The following MMP26 variants were observed in gnomAD, a reference collection of about 807,000 sequenced individuals.
MMP26 encodes the protein matrix metalloproteinase-26.
In MMP26, 33 loss-of-function variants were observed where a neutral mutation model predicts 31.0. The observed-to-expected ratio is 1.06, with a 90% CI of 0.81 to 1.42. The LOEUF (loss-of-function observed/expected upper bound fraction) is 1.42. Ranked by LOEUF, MMP26 falls within the 40% of genes most tolerant of loss-of-function variation. MMP26 has a pLI of 0.00. For synonymous variants in MMP26, 122 were observed against 114.9 expected, an observed-to-expected ratio of 1.06 and a Z score of -0.40; for missense variants, 347 against 316.1, an observed-to-expected ratio of 1.10 and a Z score of -0.74.
intron 1 of MMP26, among the ~76,000 whole-genome samples, chr11:4,731,071 A>C (rs1848167528): frequency 2.0e-5 from 3 of 152,026 alleles, no homozygotes; most frequent in Non-Finnish European, 4.4e-5. Flanking sequence ...CAGCCTCTCG[A>C]GTAGCTGGGA....
At chr11:4,835,710 A>G (rs1479086256) in intron 2 of MMP26, among the ~76,000 whole-genome samples, 1 of 152,196 alleles carries the variant, frequency 6.6e-6, no homozygotes, top group Non-Finnish European at 1.5e-5. Flanking sequence ...TGACTTATAC[A>G]GGACCATTCA....
chr11:4,961,277 C>T (rs74052702), intron 2 of MMP26, among the ~76,000 whole-genome samples: 4,661 of 152,234 alleles, frequency 0.031, 269 homozygotes, highest in African/African-American at 0.11. Flanking sequence ...TCCAAGGGAG[C>T]AGTAGAAAAG....
intron 2 of MMP26, among the ~76,000 whole-genome samples, chr11:4,811,023 G>A (rs1237512011): frequency 6.6e-6 from 1 of 152,142 alleles, no homozygotes; most frequent in Admixed American, 6.5e-5. Context: ...AGATGGTAAT[G>A]ATCAAGGTCA....
intron 2 of MMP26, among the ~76,000 whole-genome samples, chr11:4,982,071 T>G (rs946478908): frequency 6.6e-6 from 1 of 151,556 alleles, no homozygotes; most frequent in Non-Finnish European, 1.5e-5. Context: ...TGTATGTATA[T>G]ATATATATAC....
At chr11:4,747,856 T>C (rs1009265062) in intron 1 of MMP26, among the ~76,000 whole-genome samples, 2 of 151,836 alleles carry the variant, frequency 1.3e-5, no homozygotes, top group Admixed American at 6.6e-5. Context: ...AATAGAAAGA[T>C]CACAAGTTAA....
chr11:4,728,102 TA>T (rs1356835301), intron 1 of MMP26, among the ~76,000 whole-genome samples: 1 of 152,176 alleles, frequency 6.6e-6, no homozygotes, highest in African/African-American at 2.4e-5. Context: ...ATTAAAATGA[TA>T]TATTCAAGGA....
chr11:4,899,605 A>G (rs940455689), intron 2 of MMP26, among the ~76,000 whole-genome samples: 2 of 152,084 alleles, frequency 1.3e-5, no homozygotes, highest in African/African-American at 4.8e-5. Flanking sequence ...GTACCAAGAG[A>G]CAACCAGTCA....
chr11:4,966,926 T>C (rs1398023261), intron 2 of MMP26, among the ~76,000 whole-genome samples: 1 of 152,160 alleles, frequency 6.6e-6, no homozygotes. Flanking sequence ...AATGTATCTT[T>C]AGATGGTGGA....
chr11:4,979,744 G>A (rs1846787284), intron 2 of MMP26, among the ~76,000 whole-genome samples: 1 of 152,062 alleles, frequency 6.6e-6, no homozygotes, highest in South Asian at 2.1e-4. Context: ...ACTGCTGGAA[G>A]TTCAACCAAC....
At chr11:4,987,286 G>A (rs947808317) in intron 2 of MMP26, among the ~76,000 whole-genome samples, 6 of 151,926 alleles carry the variant, frequency 3.9e-5, no homozygotes, top group South Asian at 2.1e-4. Flanking sequence ...AGACGTGTGC[G>A]TGTCAACTTA....
At chr11:4,784,663 G>T (rs1285374593) in intron 2 of MMP26, among the ~76,000 whole-genome samples, 2 of 152,198 alleles carry the variant, frequency 1.3e-5, no homozygotes, top group Non-Finnish European at 2.9e-5. Flanking sequence ...TGGAGAGTGT[G>T]TGGGCTCTTG....
intron 2 of MMP26, among the ~76,000 whole-genome samples, chr11:4,817,338 C>G (rs987820276): frequency 1.3e-5 from 2 of 152,202 alleles, no homozygotes; most frequent in East Asian, 1.9e-4. Flanking sequence ...AATCCCAGCA[C>G]TTTGGGAGGC....
chr11:4,776,501 A>G (rs60548866), intron 2 of MMP26, among the ~76,000 whole-genome samples: 14,431 of 152,070 alleles, frequency 0.095, 851 homozygotes, highest in Middle Eastern at 0.15. Context: ...GTTCAAGATT[A>G]TATCTCATTG....
rs1420120010 is a variant in MMP26 at position 4,952,361 on chromosome 11, T to C, written c.-144-35707T>C. On this transcript the variant is annotated intron_variant, in intron 2 of 7. Coordinates refer to ENST00000380390, the MANE Select transcript of MMP26 (RefSeq NM_021801.5). The stretch of plus-strand genomic sequence containing the variant: ...TGAAGTCTTTATATTGAGCTGCCTA[T>C]CCTCACCCTGAGAGAATAGGAGCTT... 1.6e-5 allele frequency among the ~76,000 whole-genome samples: 2 copies of C among 124,596 alleles called. 1 individual carries two copies. Among genetic ancestry groups the C allele is most frequent in the Non-Finnish European group, 3.6e-5 (2 of 54,990 alleles). The allele number at this position is 124,596 out of a possible 152,430, so 81.7% of individuals were successfully genotyped here. A position where few individuals can be genotyped will look rare whatever the true frequency, so the allele number is the denominator to read the frequency against.
intron 1 of MMP26, among the ~76,000 whole-genome samples, chr11:4,747,725 G>A (rs1848398946): frequency 6.6e-6 from 1 of 152,034 alleles, no homozygotes; most frequent in Admixed American, 6.6e-5. Context: ...TGCCTAAACT[G>A]AGACCAAAAG....
chr11:4,945,948 T>C, intron 2 of MMP26: 1 of 574,718 alleles, frequency 1.7e-6, no homozygotes, highest in Non-Finnish European at 3.1e-6. Flanking sequence ...AAGACATTTA[T>C]TTTTATTCTG....
Position 4,951,281 on chromosome 11 carries a change from G to A in MMP26, c.-144-36787G>A, listed in dbSNP as rs530942114. Among the ~76,000 whole-genome samples the A allele has an allele frequency of 1.2e-4, 15 of 124,106 alleles. 4 individuals carry two copies. In the East Asian group the frequency reaches 3.4e-3, roughly 28 times the overall value. The allele number at this position is 124,106 out of a possible 152,430, so 81.4% of individuals were successfully genotyped here. ...CATGACTCCAGAATAAGTGCCATTAGTTCAAATGGCATATTTCTGGGTACC... is the reference window on the plus strand; with the variant it reads ...CATGACTCCAGAATAAGTGCCATTAATTCAAATGGCATATTTCTGGGTACC... On this transcript the variant is annotated intron_variant, in intron 2 of 7. Transcript: ENST00000380390.
At chr11:4,723,084 G>A (rs532648403) in intron 1 of MMP26, 21 of 1,374,946 alleles carry the variant, frequency 1.5e-5, no homozygotes, top group African/African-American at 2.8e-5. Context: ...AGCTGTCACG[G>A]CATGTTCTGC....
chr11:4,822,293 C>G (rs1469687189), intron 2 of MMP26: 1 of 1,539,300 alleles, frequency 6.5e-7, no homozygotes, highest in Non-Finnish European at 8.8e-7. Flanking sequence ...GTGCTCAACC[C>G]TATTATTTAC....
Sources: allele counts gnomAD v4.1 joint callset (sites outside exome capture counted in the v4.1 genomes callset), GRCh38; gene constraint gnomAD v4.1.1; transcripts MANE v1.5; gene names NCBI Gene and HGNC (gene_info 2026-07-23, HGNC 2026-07-21).